SEMA6D: variants seen among roughly 807,000 people sequenced by gnomAD.
SEMA6D encodes semaphorin-6D.
Under a neutral mutation model 106.6 loss-of-function variants are expected in SEMA6D, and 35 were observed. The ratio of observed to expected loss-of-function variants is 0.33; its 90% CI spans 0.25 to 0.44. The LOEUF is 0.44. Among genes scored for constraint, SEMA6D ranks in the 20% least tolerant of loss-of-function variants. The probability of loss-of-function intolerance (pLI) is 1.00; values close to 1 mark genes in which losing one functional copy is unlikely to be tolerated. For missense variants in SEMA6D, 1,185 were observed against 1,345.9 expected (o/e 0.88, Z 1.87); for synonymous variants, 499 against 487.7 (o/e 1.02, Z -0.31).
chr15:47,772,538 C>A lies in SEMA6D; in HGVS notation c.*753C>A, dbSNP rs989540944. The A allele has an allele frequency of 6.6e-6, 1 of 152,454 alleles. No homozygotes were observed. The highest frequency in any genetic ancestry group is 2.4e-5 in the African/African-American group (1 of 41,374). 9.4% of individuals were successfully genotyped at this position (152,454 alleles called of 1,614,324 possible). A position where few individuals can be genotyped will look rare whatever the true frequency, so the allele number is the denominator to read the frequency against. On this transcript the variant is annotated 3_prime_UTR_variant, in exon 19 of 19. Transcript: ENST00000536845. ...CTTTGAAAGAGGAATAGAATCGAGG[C>A]TCCTTTGACCATCAAAATGATGAAC...
intron 1 of SEMA6D, among the ~76,000 whole-genome samples, chr15:47,191,178 CAT>C (rs71425589): frequency 0.29 from 43,281 of 148,460 alleles, 7,021 homozygotes; most frequent in East Asian, 0.7. Flanking sequence ...TGTCTCAAAA[CAT>C]ATATATATAT....
At chr15:47,367,711 C>T (rs2039106503) in intron 1 of SEMA6D, among the ~76,000 whole-genome samples, 1 of 147,224 alleles carries the variant, frequency 6.8e-6, no homozygotes, top group South Asian at 2.1e-4. Context: ...CACACACACA[C>T]ACACACACAC....
intron 4 of SEMA6D, among the ~76,000 whole-genome samples, chr15:47,652,351 T>A (rs908196789): frequency 6.6e-6 from 1 of 152,150 alleles, no homozygotes; most frequent in African/African-American, 2.4e-5. Context: ...TTAAGATCAG[T>A]TTTACCAACA....
At chr15:47,713,246 G>A (rs559203324), upstream of SEMA6D, among the ~76,000 whole-genome samples, 1 of 151,674 alleles carries the variant, frequency 6.6e-6, no homozygotes. Flanking sequence ...TCATGCTGAG[G>A]TAGAATAATC....
At chr15:47,186,485 A>G (rs746140972) in intron 1 of SEMA6D, among the ~76,000 whole-genome samples, 54 of 152,152 alleles carry the variant, frequency 3.5e-4, no homozygotes, top group Non-Finnish European at 5.9e-4. Context: ...CTCTTTTATC[A>G]TAATGTTTAT....
intron 2 of SEMA6D, among the ~76,000 whole-genome samples, chr15:47,425,321 G>A (rs1401380788): frequency 6.6e-6 from 1 of 152,040 alleles, no homozygotes; most frequent in Non-Finnish European, 1.5e-5. Flanking sequence ...GTTGGTGAGT[G>A]AGAAGAGAAA....
At chr15:47,699,652 A>G (rs1269357828) in intron 4 of SEMA6D, among the ~76,000 whole-genome samples, 1 of 152,202 alleles carries the variant, frequency 6.6e-6, no homozygotes, top group African/African-American at 2.4e-5. Context: ...TTTCACATCA[A>G]TTCCATTGCA....
intron 4 of SEMA6D, among the ~76,000 whole-genome samples, chr15:47,644,540 C>T (rs2077545682): frequency 6.6e-6 from 1 of 152,150 alleles, no homozygotes; most frequent in South Asian, 2.1e-4. Context: ...GTGATTAGGC[C>T]ATGAGGGCTC....
intron 1 of SEMA6D, among the ~76,000 whole-genome samples, chr15:47,284,530 T>C (rs919233141): frequency 6.6e-6 from 1 of 152,188 alleles, no homozygotes; most frequent in African/African-American, 2.4e-5. Flanking sequence ...GAGATTCCAC[T>C]ATAAATTTTC....
chr15:47,185,355 A>G (rs562697778), intron 1 of SEMA6D, among the ~76,000 whole-genome samples: 1 of 152,284 alleles, frequency 6.6e-6, no homozygotes, highest in Admixed American at 6.5e-5. Context: ...TTAAACCCTC[A>G]GGAACAGGGC....
intron 3 of SEMA6D, among the ~76,000 whole-genome samples, chr15:47,582,504 A>G (rs185936136): frequency 6.6e-5 from 10 of 152,194 alleles, no homozygotes; most frequent in Admixed American, 5.2e-4. Context: ...TACACTAAGC[A>G]AAAGAGGCAG....
chr15:47,290,998 C>T (rs7165518), intron 1 of SEMA6D, among the ~76,000 whole-genome samples: 150,813 of 152,366 alleles, frequency 0.99, 74,649 homozygotes, highest in Middle Eastern at 1. Flanking sequence ...AATTTCTGTT[C>T]TGGCAAATAC....
chr15:47,277,629 T>C (rs547713572), intron 1 of SEMA6D, among the ~76,000 whole-genome samples: 1 of 149,108 alleles, frequency 6.7e-6, no homozygotes, highest in African/African-American at 2.4e-5. Flanking sequence ...ATTATTATTA[T>C]ACTTTAAGTT....
At chr15:47,598,032 T>C (rs12439029) in intron 3 of SEMA6D, among the ~76,000 whole-genome samples, 26,457 of 151,888 alleles carry the variant, frequency 0.17, 2,669 homozygotes, top group African/African-American at 0.26. Flanking sequence ...ATAAAGGTAA[T>C]GTTTTTCTTT....
intron 1 of SEMA6D, among the ~76,000 whole-genome samples, chr15:47,756,015 T>C (rs1219886374): frequency 6.6e-6 from 1 of 152,076 alleles, no homozygotes; most frequent in Non-Finnish European, 1.5e-5. Context: ...AGCTCTGAAC[T>C]CCCATTAAGA....
chr15:47,625,839 G>T (rs2077192570), intron 4 of SEMA6D, among the ~76,000 whole-genome samples: 1 of 152,040 alleles, frequency 6.6e-6, no homozygotes, highest in Non-Finnish European at 1.5e-5. Context: ...ATTTAAAAGG[G>T]TGTGATAAAA....
At chr15:47,407,394 C>CAAAAA (rs1567058099) in intron 1 of SEMA6D, among the ~76,000 whole-genome samples, 2 of 83,552 alleles carry the variant, frequency 2.4e-5, no homozygotes, top group African/African-American at 3.8e-5. Context: ...AAAACCAAAA[C>CAAAAA]AACAACAACA....
intron 3 of SEMA6D, among the ~76,000 whole-genome samples, chr15:47,594,266 C>T (rs1181014029): frequency 2.0e-5 from 3 of 152,172 alleles, no homozygotes; most frequent in Non-Finnish European, 4.4e-5. Context: ...TTCTTTTGCC[C>T]TGGTCCCAGG....
intron 3 of SEMA6D, among the ~76,000 whole-genome samples, chr15:47,476,256 T>C (rs994069602): frequency 3.9e-5 from 6 of 152,170 alleles, no homozygotes; most frequent in African/African-American, 1.2e-4. Context: ...GCAAAAGTTA[T>C]TTAGGATCAG....
Sources: gnomAD v4.1 joint callset for allele counts (sites outside exome capture counted in the v4.1 genomes callset) on GRCh38, gnomAD v4.1.1 for gene constraint, MANE v1.5 for transcripts, NCBI Gene and HGNC (gene_info 2026-07-23, HGNC 2026-07-21) for gene names.